TMPRSS12: variants seen among roughly 807,000 people sequenced by gnomAD.
TMPRSS12 encodes the protein transmembrane protease serine 12.
Under a neutral mutation model 26.0 loss-of-function variants are expected in TMPRSS12, and 25 were observed. The observed-to-expected ratio is 0.96, with a 90% CI of 0.70 to 1.34. The LOEUF (loss-of-function observed/expected upper bound fraction) is 1.34, where lower values mean the gene tolerates loss of function less well. Ranked by LOEUF, TMPRSS12 falls within the 40% of genes most tolerant of loss-of-function variation. The probability of loss-of-function intolerance (pLI) is 0.00; values close to 1 mark genes in which losing one functional copy is unlikely to be tolerated. For synonymous variants in TMPRSS12, 150 were observed against 161.7 expected (o/e 0.93, Z 0.55); for missense variants, 441 against 440.1 (o/e 1.00, Z -0.02).
At chr12:50,885,680 T>C in intron 4 of TMPRSS12, 1 of 582,282 alleles carries the variant, frequency 1.7e-6, no homozygotes, top group Non-Finnish European at 3.0e-6. Context: ...TTATTTGAGA[T>C]AGTCTCGCTT....
At chr12:50,846,788 C>T (rs1402513619) in intron 2 of TMPRSS12, among the ~76,000 whole-genome samples, 1 of 151,936 alleles carries the variant, frequency 6.6e-6, no homozygotes, top group Admixed American at 6.6e-5. Context: ...CTATGTTGCC[C>T]AGGCTGGTCT....
chr12:50,858,030 G>A (rs932599520), intron 2 of TMPRSS12, among the ~76,000 whole-genome samples: 4 of 152,086 alleles, frequency 2.6e-5, no homozygotes, highest in Non-Finnish European at 5.9e-5. Context: ...TTTTAGTAGA[G>A]ACAGGGTTTC....
chr12:50,871,820 C>G (rs771123855), intron 3 of TMPRSS12, among the ~76,000 whole-genome samples: 4 of 151,560 alleles, frequency 2.6e-5, no homozygotes, highest in Non-Finnish European at 5.9e-5. Flanking sequence ...AAATGGCCAA[C>G]AAACATATGA....
At chr12:50,847,486 T>C (rs1937782077) in intron 2 of TMPRSS12, among the ~76,000 whole-genome samples, 1 of 152,166 alleles carries the variant, frequency 6.6e-6, no homozygotes, top group Non-Finnish European at 1.5e-5. Context: ...TATTTATTTT[T>C]ATTTTTTATG....
Position 50,887,406 on chromosome 12 carries a change from A to G in TMPRSS12, c.940A>G (p.Thr314Ala), listed in dbSNP as rs1592227140. Residue 314 changes from threonine (T) to alanine (A), a missense_variant, in exon 5 of 5, where the codon ACA (threonine) becomes GCA (alanine). Physicochemically the swap from Thr to Ala is moderately conservative, Grantham distance 58 (BLOSUM62 0). Coordinates refer to ENST00000398458, the MANE Select transcript of TMPRSS12 (RefSeq NM_182559.3). ...GCCATCCTTCTACCAAAAGTGGCTG[A>G]CAGAGCATTTCTTCCATGCAAGCAC... Reference protein sequence around the residue: ...IGPSFYQKWLTEHFFHASTQG... With the variant: ...IGPSFYQKWLAEHFFHASTQG... 2 of 1,613,954 alleles carry G rather than the reference A, an allele frequency of 1.2e-6. No homozygotes were observed. Among genetic ancestry groups the G allele is most frequent in the Non-Finnish European group, 1.7e-6 (2 of 1,179,862 alleles).
At chr12:50,853,418 G>C (rs1937844679) in intron 2 of TMPRSS12, among the ~76,000 whole-genome samples, 1 of 151,712 alleles carries the variant, frequency 6.6e-6, no homozygotes, top group Non-Finnish European at 1.5e-5. Flanking sequence ...AGAGGAATGA[G>C]AAAAATGAAC....
intron 2 of TMPRSS12, among the ~76,000 whole-genome samples, chr12:50,845,123 A>G (rs1937755701): frequency 6.6e-6 from 1 of 152,206 alleles, no homozygotes; most frequent in Non-Finnish European, 1.5e-5. Flanking sequence ...TTTGAAAAAG[A>G]GACTCTCTTT....
At chr12:50,854,139 C>T (rs1937854049) in intron 2 of TMPRSS12, among the ~76,000 whole-genome samples, 1 of 152,112 alleles carries the variant, frequency 6.6e-6, no homozygotes, top group Non-Finnish European at 1.5e-5. Flanking sequence ...ATCAAGTAGG[C>T]TTTATTCCTG....
chr12:50,843,277 A>G, intron 1 of TMPRSS12, 126 bp downstream of exon 1: 1 of 931,796 alleles, frequency 1.1e-6, no homozygotes, highest in Non-Finnish European at 1.5e-6. Context: ...TTACATACCT[A>G]AGCAGTTTCT....
At chr12:50,878,212 A>AC (rs1167840682) in intron 3 of TMPRSS12, among the ~76,000 whole-genome samples, 2 of 151,962 alleles carry the variant, frequency 1.3e-5, no homozygotes, top group Non-Finnish European at 2.9e-5. Flanking sequence ...AAAAAAAAAA[A>AC]AAACTGAAGG....
intron 3 of TMPRSS12, among the ~76,000 whole-genome samples, chr12:50,861,026 G>A (rs972062165): frequency 6.6e-6 from 1 of 152,124 alleles, no homozygotes; most frequent in Admixed American, 6.6e-5. Context: ...TTATAGGCAT[G>A]AGCACCATGC....
chr12:50,865,932 T>C (rs1157757683), intron 3 of TMPRSS12, among the ~76,000 whole-genome samples: 1 of 152,002 alleles, frequency 6.6e-6, no homozygotes, highest in Admixed American at 6.6e-5. Context: ...GCAGAACTGA[T>C]TACTCAGATT....
At chr12:50,859,365 G>A (rs570004187) in intron 3 of TMPRSS12, among the ~76,000 whole-genome samples, 2 of 152,080 alleles carry the variant, frequency 1.3e-5, no homozygotes, top group African/African-American at 2.4e-5. Context: ...ACAGACATGC[G>A]CCACCATGCC....
At chr12:50,885,819 C>T in intron 4 of TMPRSS12, 3 of 291,874 alleles carry the variant, frequency 1.0e-5, no homozygotes, top group South Asian at 9.8e-5. Flanking sequence ...CTATGCCCGG[C>T]CATTCTTTTT....
At chr12:50,870,792 C>T (rs1428944612) in intron 3 of TMPRSS12, among the ~76,000 whole-genome samples, 1 of 151,748 alleles carries the variant, frequency 6.6e-6, no homozygotes, top group South Asian at 2.1e-4. Context: ...ATCAGTAGCT[C>T]TCCTATATAC....
intron 3 of TMPRSS12, among the ~76,000 whole-genome samples, chr12:50,866,713 C>T (rs922178704): frequency 6.6e-6 from 1 of 152,136 alleles, no homozygotes; most frequent in African/African-American, 2.4e-5. Flanking sequence ...AGCTAAGAAC[C>T]TTCACAGAGT....
chr12:50,881,506 A>G (rs1304474598), intron 3 of TMPRSS12, among the ~76,000 whole-genome samples: 2 of 152,172 alleles, frequency 1.3e-5, no homozygotes, highest in African/African-American at 4.8e-5. Flanking sequence ...GCTTTTTAAC[A>G]TCACACATTT....
intron 3 of TMPRSS12, among the ~76,000 whole-genome samples, chr12:50,883,758 C>T (rs919437426): frequency 6.6e-6 from 1 of 152,126 alleles, no homozygotes; most frequent in African/African-American, 2.4e-5. Context: ...AATCCAAGCA[C>T]TTTAGGAGGC....
intron 3 of TMPRSS12, among the ~76,000 whole-genome samples, chr12:50,862,137 A>C (rs764183708): frequency 2.0e-5 from 3 of 152,184 alleles, no homozygotes; most frequent in Non-Finnish European, 4.4e-5. Context: ...AATGTCATAC[A>C]GTTTCATGAT....
Sources: gnomAD v4.1 joint callset for allele counts (sites outside exome capture counted in the v4.1 genomes callset) on GRCh38, gnomAD v4.1.1 for gene constraint, MANE v1.5 for transcripts, NCBI Gene and HGNC (gene_info 2026-07-23, HGNC 2026-07-21) for gene names.